HEATR5B: variants seen among roughly 807,000 people sequenced by gnomAD.
HEATR5B encodes HEAT repeat-containing protein 5B.
In HEATR5B, 156 loss-of-function variants were observed where a neutral mutation model predicts 224.1. The observed-to-expected ratio is 0.70, with a 90% CI of 0.61 to 0.80. The LOEUF (loss-of-function observed/expected upper bound fraction) is 0.80, where lower values mean the gene tolerates loss of function less well. Ranked by LOEUF, HEATR5B falls within the 30% of genes least tolerant of loss-of-function variation. The pLI, the probability that HEATR5B is intolerant of heterozygous loss-of-function variation, is 0.00. For missense variants in HEATR5B, 2,323 were observed against 2,535.5 expected (o/e 0.92, Z 1.80); for synonymous variants, 1,027 against 893.0 (o/e 1.15, Z -2.68).
Position 37,079,258 on chromosome 2 carries a change from G to C in HEATR5B, c.200C>G (p.Pro67Arg). The C allele has an allele frequency of 6.2e-7, 1 of 1,612,486 alleles. No homozygotes were observed. Reference sequence around the variant, plus strand: ...ATTTTTAGCTAATAATTTTCGTGTAGGTGGTCCAGGTGAACTACTTATTAA... The same window carrying C: ...ATTTTTAGCTAATAATTTTCGTGTACGTGGTCCAGGTGAACTACTTATTAA... ...TGLISSSPGP[P>R]TRKLLAKNLA... The change falls in exon 3 of 36, where the codon CCT (proline) becomes CGT (arginine). Residue 67 changes from proline (P) to arginine (R), a missense_variant. This residue lies in a region of HEATR5B where 292 missense variants were observed against 332.6 expected (regional missense o/e 0.88). Coordinates refer to ENST00000233099, the MANE Select transcript of HEATR5B (RefSeq NM_019024.3).
At chr2:37,052,444 T>A (rs1670620303) in intron 17 of HEATR5B, among the ~76,000 whole-genome samples, 1 of 152,216 alleles carries the variant, frequency 6.6e-6, no homozygotes, top group African/African-American at 2.4e-5. Context: ...TGGCCATGAT[T>A]TTTGTAATTT....
rs115449003 is a variant in HEATR5B, at chr2:36,984,820, T to C, written c.5912-3026A>G. ...AGAGATAAAATTACTTTAGGTAAAT[T>C]TGATGGGGAATATCAGCTAGGAAAA... On this transcript the variant is annotated intron_variant, in intron 35 of 35. Coordinates refer to ENST00000233099, the MANE Select transcript of HEATR5B (RefSeq NM_019024.3). Among the ~76,000 whole-genome samples the C allele has an allele frequency of 1.3e-3, 196 of 152,262 alleles. 1 individual carries two copies. Among genetic ancestry groups the C allele is most frequent in the African/African-American group, 4.5e-3 (185 of 41,550 alleles).
chr2:36,997,956 G>A (rs1380713601), intron 33 of HEATR5B, among the ~76,000 whole-genome samples: 1 of 152,110 alleles, frequency 6.6e-6, no homozygotes, highest in African/African-American at 2.4e-5. Flanking sequence ...TCTGGTACTT[G>A]TTTTGATTCA....
chr2:36,995,870 T>C (rs1426132534), intron 33 of HEATR5B, among the ~76,000 whole-genome samples: 1 of 152,110 alleles, frequency 6.6e-6, no homozygotes, highest in Admixed American at 6.6e-5. Context: ...AATTTTTTGA[T>C]CAGTAAGGCT....
At chr2:37,002,225 T>TAA in intron 32 of HEATR5B, 81 bp downstream of exon 32, 1 of 1,479,076 alleles carries the variant, frequency 6.8e-7, no homozygotes, top group Non-Finnish European at 9.4e-7. Flanking sequence ...AACTGGGTTA[T>TAA]AACAGTGCTT....
intron 14 of HEATR5B, among the ~76,000 whole-genome samples, 186 bp downstream of exon 14, chr2:37,058,265 G>A (rs1264128841): frequency 6.6e-6 from 1 of 152,042 alleles, no homozygotes; most frequent in African/African-American, 2.4e-5. Flanking sequence ...TAATACAAAA[G>A]GCTGAAAACG....
chr2:36,996,354 C>A (rs1019324743), intron 33 of HEATR5B, among the ~76,000 whole-genome samples: 4 of 151,672 alleles, frequency 2.6e-5, no homozygotes. Flanking sequence ...CCAATGTGCT[C>A]GGCCCTGATT....
At chr2:37,035,408 C>G (rs1020571757) in intron 21 of HEATR5B, among the ~76,000 whole-genome samples, 2 of 152,168 alleles carry the variant, frequency 1.3e-5, no homozygotes, top group African/African-American at 4.8e-5. Flanking sequence ...ATTCTGGACA[C>G]TCCGTTGTGT....
intron 24 of HEATR5B, among the ~76,000 whole-genome samples, chr2:37,021,987 T>C (rs1204756377): frequency 1.3e-5 from 2 of 151,756 alleles, no homozygotes; most frequent in Non-Finnish European, 2.9e-5. Context: ...TTTTTTTCCT[T>C]CCTGCTGTTC....
intron 8 of HEATR5B, among the ~76,000 whole-genome samples, chr2:37,066,945 C>G (rs1422029325): frequency 1.3e-5 from 2 of 151,924 alleles, no homozygotes; most frequent in African/African-American, 4.8e-5. Context: ...TCTCAGCTGA[C>G]TACAACCTCT....
intron 27 of HEATR5B, among the ~76,000 whole-genome samples, chr2:37,009,772 C>G (rs2691120): frequency 0.051 from 7,711 of 150,910 alleles, 670 homozygotes; most frequent in African/African-American, 0.18. Flanking sequence ...AAGCACCCCC[C>G]GCCTCCACTT....
chr2:37,000,056 C>T (rs776664051), intron 33 of HEATR5B, among the ~76,000 whole-genome samples: 1 of 151,692 alleles, frequency 6.6e-6, no homozygotes, highest in East Asian at 2.0e-4. Context: ...AACAAAAAAC[C>T]TCCCAGTATA....
chr2:37,015,940 A>C (rs2148422646), intron 26 of HEATR5B, among the ~76,000 whole-genome samples: 1 of 152,298 alleles, frequency 6.6e-6, no homozygotes, highest in South Asian at 2.1e-4. Context: ...CATAGTTACA[A>C]TTAAGGGACA....
intron 17 of HEATR5B, among the ~76,000 whole-genome samples, chr2:37,051,556 T>C (rs1269102162): frequency 6.6e-6 from 1 of 152,072 alleles, no homozygotes; most frequent in Non-Finnish European, 1.5e-5. Flanking sequence ...TTAGCATATC[T>C]ATGAAGAAAA....
rs777454095 is a variant in HEATR5B at position 37,076,948 on chromosome 2, G to A, written c.410C>T (p.Thr137Met). ...CAGAGATTTCAATAGATTATTTACC[G>A]TTTCTGGAAATGCGCTGCCCAACAT... is the stretch of plus-strand genomic sequence containing the variant. ...GRMLGSAFPE[T>M]VNNLLKSLKS... The change falls in exon 4 of 36, where the codon ACG becomes ATG. Residue 137 changes from threonine to methionine, a missense_variant. Thr to Met is a moderately conservative substitution (Grantham distance 81). Around this residue, in one of 12 missense-constraint regions of HEATR5B, gnomAD observed 292 missense variants for 332.6 expected, o/e 0.88. Coordinates refer to ENST00000233099, the MANE Select transcript of HEATR5B (RefSeq NM_019024.3). 1.4e-5 allele frequency: 22 copies of A among 1,613,760 alleles called. No homozygotes were observed. Among genetic ancestry groups the A allele is most frequent in the South Asian group, 2.2e-5 (2 of 91,080 alleles).
chr2:37,036,757 C>T lies in HEATR5B; in HGVS notation c.3216+1098G>A, dbSNP rs182116442. Among the ~76,000 whole-genome samples the T allele has an allele frequency of 2.2e-4, 33 of 152,146 alleles. No homozygotes were observed. In the East Asian group the frequency reaches 4.5e-3, roughly 21 times the overall value. On this transcript the variant is annotated intron_variant, in intron 21 of 35. Transcript: ENST00000233099. ...GAACTCCTGACCTCAGGTGATCCCC[C>T]CGCCTTGGCCTCTCAAAGTGCTGGG...
At chr2:36,996,160 A>G (rs1303957874) in intron 33 of HEATR5B, among the ~76,000 whole-genome samples, 1 of 151,220 alleles carries the variant, frequency 6.6e-6, no homozygotes, top group African/African-American at 2.4e-5. Context: ...TCCCAGGTTC[A>G]AGCGATTCTT....
At chr2:36,982,612 C>G (rs1665656775) in intron 35 of HEATR5B, among the ~76,000 whole-genome samples, 1 of 152,022 alleles carries the variant, frequency 6.6e-6, no homozygotes, top group Admixed American at 6.6e-5. Context: ...GAGGAAGCAT[C>G]TGGTAGAGAA....
intron 8 of HEATR5B, among the ~76,000 whole-genome samples, chr2:37,067,258 A>G (rs1024970985): frequency 9.2e-5 from 14 of 152,164 alleles, no homozygotes; most frequent in Admixed American, 8.5e-4. Flanking sequence ...CTCCCTGAGG[A>G]TAGGTGCTGT....
Sources: gnomAD v4.1 joint callset for allele counts (sites outside exome capture counted in the v4.1 genomes callset) on GRCh38, gnomAD v4.1.1 for gene constraint, gnomAD v4.1.1 regional missense constraint, MANE v1.5 for transcripts, NCBI Gene and HGNC (gene_info 2026-07-23, HGNC 2026-07-21) for gene names.